CTNND2: variants seen among roughly 807,000 people sequenced by gnomAD.
CTNND2 encodes the protein catenin delta 2.
Under a neutral mutation model 144.4 loss-of-function variants are expected in CTNND2, and 22 were observed. The ratio of observed to expected loss-of-function variants is 0.15; its 90% confidence interval spans 0.11 to 0.22. The LOEUF is 0.22. Among genes scored for constraint, CTNND2 ranks in the 10% least tolerant of loss-of-function variants. The pLI is 1.00. For synonymous variants in CTNND2, 751 were observed against 695.6 expected, an observed-to-expected ratio of 1.08 and a Z score of -1.25; for missense variants, 1,353 against 1,618.8, an observed-to-expected ratio of 0.84 and a Z score of 2.82.
chr5:11,033,462 T>A (rs1176778331), intron 16 of CTNND2, among the ~76,000 whole-genome samples: 2 of 152,192 alleles, frequency 1.3e-5, no homozygotes, highest in Non-Finnish European at 2.9e-5. Context: ...TATATGTAAT[T>A]ACAACAAGAA....
intron 1 of CTNND2, among the ~76,000 whole-genome samples, chr5:11,838,542 T>C (rs183174313): frequency 2.0e-5 from 3 of 152,216 alleles, no homozygotes; most frequent in East Asian, 1.9e-4. Context: ...TTTGAGGTAA[T>C]AGGATTCAGC....
At chr5:11,739,633 G>C (rs543937681) in intron 1 of CTNND2, among the ~76,000 whole-genome samples, 2 of 152,246 alleles carry the variant, frequency 1.3e-5, no homozygotes, top group East Asian at 3.9e-4. Flanking sequence ...TTGAAAACCA[G>C]TACAAGACAA....
chr5:11,803,252 G>A (rs543972614), intron 1 of CTNND2, among the ~76,000 whole-genome samples: 69 of 152,108 alleles, frequency 4.5e-4, no homozygotes, highest in African/African-American at 1.6e-3. Flanking sequence ...CCAGGGAGTC[G>A]GAGGTTGCAG....
At chr5:11,290,470 AC>A (rs1317517181) in intron 9 of CTNND2, among the ~76,000 whole-genome samples, 1 of 152,202 alleles carries the variant, frequency 6.6e-6, no homozygotes, top group Non-Finnish European at 1.5e-5. Context: ...TTCTACCTCT[AC>A]CATGACTTTT....
intron 11 of CTNND2, among the ~76,000 whole-genome samples, chr5:11,169,034 A>T (rs1398235953): frequency 6.6e-6 from 1 of 152,142 alleles, no homozygotes; most frequent in Non-Finnish European, 1.5e-5. Context: ...CTCGCCTGTG[A>T]ATGTTTAGGC....
At chr5:11,770,737 C>T (rs1389266494) in intron 1 of CTNND2, among the ~76,000 whole-genome samples, 1 of 152,048 alleles carries the variant, frequency 6.6e-6, no homozygotes, top group Non-Finnish European at 1.5e-5. Flanking sequence ...TCTTCAATGA[C>T]TACAAATATG....
At position 11,691,887 on chromosome 5, in the gene CTNND2, T is replaced by A. The variant is rs74595410; in HGVS notation, c.174+40249A>T. Among the ~76,000 whole-genome samples, 639 of 152,312 alleles carry A rather than the reference T, an allele frequency of 4.2e-3. 5 individuals carry two copies. Among genetic ancestry groups the A allele is most frequent in the African/African-American group, 0.015 (608 of 41,558 alleles). ...GTCTAAGGCAAAGTGAGACCTTGTA[T>A]CAAAATAAAGAAAAACTTAGAAATG... On this transcript the variant is annotated intron_variant, in intron 2 of 21. Coordinates refer to ENST00000304623, the MANE Select transcript of CTNND2 (RefSeq NM_001332.4).
chr5:11,609,952 A>G (rs1025450994), intron 2 of CTNND2, among the ~76,000 whole-genome samples: 2 of 152,152 alleles, frequency 1.3e-5, no homozygotes, highest in Admixed American at 1.3e-4. Flanking sequence ...TTACACAATG[A>G]CCTCCTTTAA....
chr5:11,009,446 C>T (rs868649123), intron 18 of CTNND2, among the ~76,000 whole-genome samples: 1 of 152,214 alleles, frequency 6.6e-6, no homozygotes, highest in Non-Finnish European at 1.5e-5. Context: ...ACTGATCACG[C>T]TGTCTCTCAA....
intron 16 of CTNND2, among the ~76,000 whole-genome samples, chr5:11,047,185 T>C (rs1247156847): frequency 1.3e-5 from 2 of 152,120 alleles, no homozygotes; most frequent in South Asian, 2.1e-4. Flanking sequence ...AAATGAAAGA[T>C]TACTTGCACA....
chr5:11,226,532 T>C (rs938912448), intron 10 of CTNND2, among the ~76,000 whole-genome samples: 1 of 152,164 alleles, frequency 6.6e-6, no homozygotes, highest in Non-Finnish European at 1.5e-5. Context: ...GGCCTCACAA[T>C]CATGGCGGAA....
intron 20 of CTNND2, among the ~76,000 whole-genome samples, chr5:10,987,292 G>C (rs1282642409): frequency 6.6e-6 from 1 of 152,204 alleles, no homozygotes; most frequent in Non-Finnish European, 1.5e-5. Context: ...AGCATATACA[G>C]AGTGTACAAG....
intron 15 of CTNND2, among the ~76,000 whole-genome samples, chr5:11,090,458 A>G (rs1039617016): frequency 2.0e-5 from 3 of 152,170 alleles, no homozygotes; most frequent in Non-Finnish European, 2.9e-5. Flanking sequence ...GCAGGAGTTG[A>G]GTGGTAGGTG....
At chr5:11,109,172 G>A (rs192903891) in intron 14 of CTNND2, among the ~76,000 whole-genome samples, 115 of 152,298 alleles carry the variant, frequency 7.6e-4, no homozygotes, top group Admixed American at 1.2e-3. Context: ...TGCAAAAATG[G>A]ATGAGTTTGC....
At chr5:11,874,494 A>C (rs1735404967) in intron 1 of CTNND2, among the ~76,000 whole-genome samples, 1 of 152,192 alleles carries the variant, frequency 6.6e-6, no homozygotes, top group South Asian at 2.1e-4. Context: ...TGGAGCCATT[A>C]TTAAGTAAAA....
chr5:11,646,479 G>T (rs1782361583), intron 2 of CTNND2, among the ~76,000 whole-genome samples: 2 of 152,122 alleles, frequency 1.3e-5, no homozygotes. Flanking sequence ...ATGTGCCAGT[G>T]TACTCTTGCC....
intron 2 of CTNND2, among the ~76,000 whole-genome samples, chr5:11,628,158 G>A (rs1037286388): frequency 3.3e-5 from 5 of 152,002 alleles, no homozygotes; most frequent in African/African-American, 7.3e-5. Flanking sequence ...GATTCCACAC[G>A]TTTTCACCAT....
intron 2 of CTNND2, among the ~76,000 whole-genome samples, chr5:11,620,705 T>C (rs970575251): frequency 1.4e-4 from 22 of 152,252 alleles, no homozygotes; most frequent in African/African-American, 5.1e-4. Context: ...TTCAAAACAA[T>C]AGGTCACTGG....
intron 2 of CTNND2, among the ~76,000 whole-genome samples, chr5:11,663,130 A>T (rs1016585088): frequency 6.6e-6 from 1 of 152,192 alleles, no homozygotes; most frequent in Admixed American, 6.6e-5. Context: ...CAGCACCCAC[A>T]AAGTCACTGC....
Sources: allele counts gnomAD v4.1 joint callset (sites outside exome capture counted in the v4.1 genomes callset), GRCh38; gene constraint gnomAD v4.1.1; transcripts MANE v1.5; gene names NCBI Gene and HGNC (gene_info 2026-07-23, HGNC 2026-07-21).